The following DSTYK variants were observed in gnomAD, a reference collection of about 807,000 sequenced individuals.
DSTYK encodes RIP-homologous kinase.
A neutral mutation model predicts 98.7 loss-of-function variants in DSTYK; 34 were observed. That is an observed-to-expected ratio of 0.34 (90% CI 0.26 to 0.46). DSTYK has a LOEUF of 0.46. Among genes scored for constraint, DSTYK ranks in the 20% least tolerant of loss-of-function variants. DSTYK has a pLI of 1.00. For synonymous variants in DSTYK, 462 were observed against 457.3 expected, an observed-to-expected ratio of 1.01 and a Z score of -0.13; for missense variants, 962 against 1,181.7, an observed-to-expected ratio of 0.81 and a Z score of 2.73.
At chr1:205,178,911 G>T (rs1476175212) in intron 2 of DSTYK, among the ~76,000 whole-genome samples, 1 of 152,062 alleles carries the variant, frequency 6.6e-6, no homozygotes, top group Non-Finnish European at 1.5e-5. Flanking sequence ...GATGCAGGCA[G>T]ACTGCTTCAG....
intron 3 of DSTYK, among the ~76,000 whole-genome samples, chr1:205,168,801 A>G: frequency 6.6e-6 from 1 of 152,262 alleles, no homozygotes. Context: ...GGCATGAGCC[A>G]TACTGCAGGA....
intron 1 of DSTYK, among the ~76,000 whole-genome samples, chr1:205,200,670 G>C (rs865847200): frequency 9.2e-5 from 14 of 152,174 alleles, no homozygotes; most frequent in South Asian, 2.1e-4. Context: ...TAGTTGGACA[G>C]AGTGGTTCAC....
intron 2 of DSTYK, among the ~76,000 whole-genome samples, chr1:205,175,104 T>G (rs568675518): frequency 7.1e-6 from 1 of 141,332 alleles, no homozygotes; most frequent in Non-Finnish European, 1.5e-5. Context: ...AAGCTGCCCT[T>G]TTTTTTTTTT....
At chr1:205,168,952 G>A (rs1657969566) in intron 3 of DSTYK, among the ~76,000 whole-genome samples, 1 of 152,186 alleles carries the variant, frequency 6.6e-6, no homozygotes, top group South Asian at 2.1e-4. Context: ...AATGTTCTTG[G>A]GAAGGAATGA....
At chr1:205,170,369 C>G (rs1317689072) in intron 2 of DSTYK, among the ~76,000 whole-genome samples, 1 of 152,284 alleles carries the variant, frequency 6.6e-6, no homozygotes. Flanking sequence ...ACCAAGCACA[C>G]TTTACTTCCC....
intron 3 of DSTYK, among the ~76,000 whole-genome samples, chr1:205,166,835 T>A (rs2102409150): frequency 6.6e-6 from 1 of 152,342 alleles, no homozygotes; most frequent in Non-Finnish European, 1.5e-5. Context: ...TTTGTATTTA[T>A]AAGTGTAACT....
Position 205,193,108 on chromosome 1 carries a change from C to A in DSTYK, c.266-5302G>T, listed in dbSNP as rs541270007. On this transcript the variant is annotated intron_variant, in intron 1 of 12. Transcript: ENST00000367162. ...CAGCATTACCACTGGCTGGTACACA[C>A]TTTCAAAAAATGTTATTCTACCTGA... Among the ~76,000 whole-genome samples the A allele has an allele frequency of 2.6e-5, 4 of 152,272 alleles. No homozygotes were observed. In the South Asian group the frequency reaches 8.3e-4, roughly 32 times the overall value.
chr1:205,156,541 G>A (rs751626778), intron 10 of DSTYK, among the ~76,000 whole-genome samples: 1 of 152,040 alleles, frequency 6.6e-6, no homozygotes, highest in African/African-American at 2.4e-5. Flanking sequence ...CCTTTGTTTT[G>A]GCCAATTTCT....
At chr1:205,158,092 T>C in intron 9 of DSTYK, among the ~76,000 whole-genome samples, 1 of 152,210 alleles carries the variant, frequency 6.6e-6, no homozygotes, top group African/African-American at 2.4e-5. Context: ...AAGTCACTCA[T>C]ATTACTTCAA....
chr1:205,191,850 C>T (rs1008522875), intron 1 of DSTYK, among the ~76,000 whole-genome samples: 6 of 152,138 alleles, frequency 3.9e-5, no homozygotes, highest in Admixed American at 3.3e-4. Context: ...TCAAGTTAAT[C>T]GAGTTTTCTT....
At chr1:205,207,660 G>T (rs1028741054) in intron 1 of DSTYK, among the ~76,000 whole-genome samples, 1 of 140,338 alleles carries the variant, frequency 7.1e-6, no homozygotes, top group Non-Finnish European at 1.5e-5. Context: ...GGACGCTGAA[G>T]CAGGAGAATC....
At position 205,149,027 on chromosome 1, in the gene DSTYK, C is replaced by T. The variant is rs139676103; in HGVS notation, c.2468-688G>A. ...AAGCGATTCTCCTGCCTCAGCCTCC[C>T]GAGTAGCTGGGATTACAGGCATGTG... On this transcript the variant is annotated intron_variant, in intron 11 of 12. Transcript: ENST00000367162. Among the ~76,000 whole-genome samples the T allele has an allele frequency of 1.5e-3, 231 of 151,706 alleles. 2 individuals carry two copies. Among genetic ancestry groups the T allele is most frequent in the African/African-American group, 5.3e-3 (219 of 41,346 alleles).
At position 205,159,534 on chromosome 1, in the gene DSTYK, GCT is replaced by G. The variant is rs1657654633; in HGVS notation, c.2238+11_2238+12del. ...TGGATTTGGCTGCCAGCTGGATCTTGCTCTCTCCTTACCTTCAGCCCTGTGTA... is the reference window on the plus strand; with the variant it reads ...TGGATTTGGCTGCCAGCTGGATCTTGCTCTCCTTACCTTCAGCCCTGTGTA... On this transcript the variant is annotated intron_variant, in intron 9 of 12. Transcript: ENST00000367162. 2 of 1,605,434 alleles carry G rather than the reference GCT, an allele frequency of 1.2e-6. No individual in the cohort carries two copies. The highest frequency in any genetic ancestry group is 1.7e-6 in the Non-Finnish European group (2 of 1,176,054).
At chr1:205,166,707 A>G (rs1657901075) in intron 3 of DSTYK, among the ~76,000 whole-genome samples, 1 of 152,204 alleles carries the variant, frequency 6.6e-6, no homozygotes, top group Non-Finnish European at 1.5e-5. Flanking sequence ...ACTGCAAGTA[A>G]CACTTCTCAA....
intron 2 of DSTYK, among the ~76,000 whole-genome samples, chr1:205,174,739 A>ATTTTT (rs201713692): frequency 7.6e-6 from 1 of 132,042 alleles, no homozygotes; most frequent in Non-Finnish European, 1.6e-5. Context: ...TTTATTTTTA[A>ATTTTT]TTTTTTTTTT....
intron 1 of DSTYK, among the ~76,000 whole-genome samples, chr1:205,197,486 G>A (rs1464461157): frequency 1.3e-5 from 2 of 152,152 alleles, no homozygotes; most frequent in South Asian, 2.1e-4. Flanking sequence ...ACTTACGTAT[G>A]TTTGAAATTA....
chr1:205,196,222 T>C (rs75757860), intron 1 of DSTYK, among the ~76,000 whole-genome samples: 3,602 of 152,254 alleles, frequency 0.024, 59 homozygotes, highest in East Asian at 0.067. Context: ...TTCTTTACAG[T>C]AGACTACAAC....
chr1:205,155,011 G>A (rs1327433226), intron 10 of DSTYK, among the ~76,000 whole-genome samples: 1 of 151,082 alleles, frequency 6.6e-6, no homozygotes, highest in Admixed American at 6.6e-5. Flanking sequence ...TAGAGACAGA[G>A]CCTCACTCTG....
Position 205,190,941 on chromosome 1 carries a change from C to T in DSTYK, c.266-3135G>A, listed in dbSNP as rs187905144. On this transcript the variant is annotated intron_variant, in intron 1 of 12. Transcript: ENST00000367162. ...AAACCGACTAAATCACTTTTCAGGACGAGAGGGAGAGAGCCTCTGCACCTC... is the reference window on the plus strand; with the variant it reads ...AAACCGACTAAATCACTTTTCAGGATGAGAGGGAGAGAGCCTCTGCACCTC... Among the ~76,000 whole-genome samples, 497 of 152,238 alleles carry T rather than the reference C, an allele frequency of 3.3e-3. 1 individual carries two copies. Among genetic ancestry groups the T allele is most frequent in the Admixed American group, 8.8e-3 (134 of 15,278 alleles).
Sources: gnomAD v4.1 joint callset for allele counts (sites outside exome capture counted in the v4.1 genomes callset) on GRCh38, gnomAD v4.1.1 for gene constraint, MANE v1.5 for transcripts, NCBI Gene and HGNC (gene_info 2026-07-23, HGNC 2026-07-21) for gene names.